Variants in DAB1 observed in about 807,000 individuals in gnomAD.
The protein encoded by DAB1 is disabled homolog 1.
In DAB1, 15 loss-of-function variants were observed where a neutral mutation model predicts 64.6. That is an observed-to-expected ratio of 0.23 (90% CI 0.16 to 0.36). The LOEUF (loss-of-function observed/expected upper bound fraction) is 0.36. Ranked by LOEUF, DAB1 falls within the 10% of genes least tolerant of loss-of-function variation. The probability of loss-of-function intolerance (pLI) is 1.00; values close to 1 mark genes in which losing one functional copy is unlikely to be tolerated. For missense variants in DAB1, 596 were observed against 706.7 expected (o/e 0.84, Z 1.78); for synonymous variants, 235 against 251.9 (o/e 0.93, Z 0.64).
intron 5 of DAB1, among the ~76,000 whole-genome samples, chr1:58,088,091 G>C (rs1000837408): frequency 6.6e-6 from 1 of 152,168 alleles, no homozygotes; most frequent in Non-Finnish European, 1.5e-5. Flanking sequence ...ACTATGCTAA[G>C]GACATCCAGA....
intron 4 of DAB1, among the ~76,000 whole-genome samples, chr1:58,313,894 G>A (rs2100477051): frequency 6.7e-6 from 1 of 149,538 alleles, no homozygotes; most frequent in South Asian, 2.2e-4. Context: ...AGGCACTAAT[G>A]ACCTACTCAC....
chr1:57,444,205 T>G (rs1258685160), intron 7 of DAB1, among the ~76,000 whole-genome samples: 1 of 152,182 alleles, frequency 6.6e-6, no homozygotes, highest in East Asian at 1.9e-4. Context: ...TGTTCCTCTT[T>G]AACATCACTT....
chr1:57,099,438 C>T (rs758453257), intron 4 of DAB1, among the ~76,000 whole-genome samples: 18 of 152,254 alleles, frequency 1.2e-4, no homozygotes, highest in Non-Finnish European at 7.4e-5. Context: ...TAGAACATCA[C>T]GGGTACTCAA....
chr1:57,565,592 A>C (rs1176265601), intron 7 of DAB1, among the ~76,000 whole-genome samples: 1 of 152,192 alleles, frequency 6.6e-6, no homozygotes, highest in Non-Finnish European at 1.5e-5. Flanking sequence ...TACCAAGCAA[A>C]TGGAAAACAA....
intron 7 of DAB1, among the ~76,000 whole-genome samples, chr1:57,488,336 A>G (rs1644118931): frequency 6.9e-6 from 1 of 145,596 alleles, no homozygotes; most frequent in Admixed American, 7.1e-5. Flanking sequence ...CGGGCGGGGG[A>G]GCTTGCAGTG....
intron 4 of DAB1, among the ~76,000 whole-genome samples, chr1:58,336,155 G>T (rs1663111895): frequency 6.6e-6 from 1 of 152,156 alleles, no homozygotes; most frequent in Non-Finnish European, 1.5e-5. Context: ...TTCAATAAAT[G>T]ATTTTTAAAT....
intron 7 of DAB1, among the ~76,000 whole-genome samples, chr1:57,538,329 A>G (rs939669922): frequency 2.0e-5 from 3 of 152,158 alleles, no homozygotes; most frequent in Non-Finnish European, 4.4e-5. Flanking sequence ...GAGGGCACAG[A>G]AGAACTACTG....
In DAB1 at chr1:57,069,740, G is replaced by A. The variant is rs1651274616; in HGVS notation, c.598-315C>T. Among the ~76,000 whole-genome samples the A allele has an allele frequency of 2.0e-5, 3 of 152,106 alleles. No homozygotes were observed. The South Asian group carries it at 6.2e-4, about 32-fold the overall frequency. ...AGTAATACCTGAATACATTGGTATT[G>A]CTCAGTGAGAATGCTATCTCACTGG... On this transcript the variant is annotated intron_variant, in intron 7 of 14. Coordinates refer to ENST00000371236, the MANE Select transcript of DAB1 (RefSeq NM_001365792.1).
chr1:58,504,474 T>C (rs1645956006), intron 3 of DAB1, among the ~76,000 whole-genome samples: 1 of 152,186 alleles, frequency 6.6e-6, no homozygotes, highest in Admixed American at 6.6e-5. Context: ...TAGTACCCCT[T>C]CTCTGCTGCC....
At chr1:58,358,860 C>A (rs376024085) in intron 3 of DAB1, among the ~76,000 whole-genome samples, 1 of 151,300 alleles carries the variant, frequency 6.6e-6, no homozygotes, top group African/African-American at 2.4e-5. Flanking sequence ...TCTCTCCCAG[C>A]TCTTTCTGTC....
At chr1:58,471,016 A>G (rs1645351629) in intron 3 of DAB1, among the ~76,000 whole-genome samples, 1 of 152,200 alleles carries the variant, frequency 6.6e-6, no homozygotes, top group African/African-American at 2.4e-5. Context: ...GGTTTTCTCA[A>G]TTATAAAATG....
chr1:57,454,460 C>T (rs528675082), intron 7 of DAB1, among the ~76,000 whole-genome samples: 20 of 152,080 alleles, frequency 1.3e-4, no homozygotes, highest in African/African-American at 4.1e-4. Context: ...ATGATGAGAA[C>T]CCCTGAACAC....
intron 6 of DAB1, among the ~76,000 whole-genome samples, chr1:57,731,425 C>T (rs1284620325): frequency 6.6e-6 from 1 of 152,002 alleles, no homozygotes; most frequent in Non-Finnish European, 1.5e-5. Context: ...AATGTGAATT[C>T]TACAGAACTG....
intron 2 of DAB1, among the ~76,000 whole-genome samples, chr1:57,248,439 T>C (rs1445625015): frequency 6.6e-6 from 1 of 152,070 alleles, no homozygotes. Context: ...ACCCCATAGT[T>C]AGAACAGTGT....
intron 4 of DAB1, among the ~76,000 whole-genome samples, chr1:58,205,795 TG>T (rs1553167360): frequency 6.6e-6 from 1 of 151,964 alleles, no homozygotes; most frequent in Non-Finnish European, 1.5e-5. Context: ...TGTGCATAGG[TG>T]TAAGGAACAG....
At chr1:57,653,549 C>T (rs1176797046) in intron 6 of DAB1, among the ~76,000 whole-genome samples, 2 of 152,078 alleles carry the variant, frequency 1.3e-5, no homozygotes, top group African/African-American at 4.8e-5. Context: ...CCTTGGGTAC[C>T]TATGTGTGAG....
At chr1:57,519,276 G>A (rs964994647) in intron 7 of DAB1, among the ~76,000 whole-genome samples, 1 of 152,128 alleles carries the variant, frequency 6.6e-6, no homozygotes, top group Non-Finnish European at 1.5e-5. Flanking sequence ...GAAGTAACCT[G>A]TCCAAAGTCA....
chr1:57,923,775 G>A (rs1212782558), intron 5 of DAB1, among the ~76,000 whole-genome samples: 1 of 152,160 alleles, frequency 6.6e-6, no homozygotes, highest in Non-Finnish European at 1.5e-5. Flanking sequence ...AAACACTTCG[G>A]TTTCTCCTTC....
chr1:57,657,974 T>C (rs1415909481), intron 6 of DAB1, among the ~76,000 whole-genome samples: 1 of 152,210 alleles, frequency 6.6e-6, no homozygotes, highest in Admixed American at 6.5e-5. Context: ...TCCTTCCTTT[T>C]CTTCAACAAA....
Sources: allele counts gnomAD v4.1 joint callset (sites outside exome capture counted in the v4.1 genomes callset), GRCh38; gene constraint gnomAD v4.1.1; transcripts MANE v1.5; gene names NCBI Gene and HGNC (gene_info 2026-07-23, HGNC 2026-07-21).